GABRB1: variants seen among roughly 807,000 people sequenced by gnomAD.
GABRB1 encodes gamma-aminobutyric acid receptor subunit beta-1.
Under a neutral mutation model 51.6 loss-of-function variants are expected in GABRB1, and 17 were observed. The ratio of observed to expected loss-of-function variants is 0.33; its 90% CI spans 0.23 to 0.49. GABRB1 has a LOEUF of 0.49. Among genes scored for constraint, GABRB1 ranks in the 20% least tolerant of loss-of-function variants. The pLI is 0.99. For missense variants in GABRB1, 410 were observed against 600.6 expected (o/e 0.68, Z 3.32); for synonymous variants, 247 against 218.9 (o/e 1.13, Z -1.14).
chr4:47,143,784 G>T (rs1717034565), intron 3 of GABRB1, among the ~76,000 whole-genome samples: 1 of 151,794 alleles, frequency 6.6e-6, no homozygotes, highest in African/African-American at 2.4e-5. Context: ...CACACCTGTT[G>T]AAATGCTTAA....
At chr4:47,253,516 C>T (rs567748256) in intron 4 of GABRB1, among the ~76,000 whole-genome samples, 9 of 152,270 alleles carry the variant, frequency 5.9e-5, no homozygotes, top group South Asian at 4.1e-4. Flanking sequence ...TGCAATTTCT[C>T]TCTTCCTCTG....
chr4:47,410,762 T>C (rs1356529561), intron 8 of GABRB1, among the ~76,000 whole-genome samples: 1 of 152,214 alleles, frequency 6.6e-6, no homozygotes, highest in Admixed American at 6.5e-5. Flanking sequence ...AGTCAGAGTT[T>C]GGAGTTTGAA....
intron 3 of GABRB1, among the ~76,000 whole-genome samples, chr4:47,132,387 GTTTGT>G (rs1268035001): frequency 6.6e-5 from 8 of 121,682 alleles, no homozygotes; most frequent in Admixed American, 5.5e-4. Context: ...GTTTGTTTTG[GTTTGT>G]TTTGGTTTGG....
At chr4:47,220,609 ACC>A (rs976571020) in intron 4 of GABRB1, among the ~76,000 whole-genome samples, 1 of 151,830 alleles carries the variant, frequency 6.6e-6, no homozygotes, top group African/African-American at 2.4e-5. Flanking sequence ...CCCTCCGAAA[ACC>A]TTCTTTCTAT....
At chr4:47,312,646 G>A (rs1724745643) in intron 4 of GABRB1, among the ~76,000 whole-genome samples, 1 of 152,006 alleles carries the variant, frequency 6.6e-6, no homozygotes, top group Admixed American at 6.6e-5. Flanking sequence ...GCATTTTTAG[G>A]GGATTTTCTT....
chr4:47,150,709 T>A lies in GABRB1; in HGVS notation c.241-10540T>A, dbSNP rs142139433. ...AAAATACACAAAATTGCCTACCACA[T>A]TATTAATTGGTTAGAGAAAGGAAGT... is the stretch of plus-strand genomic sequence containing the variant. On this transcript the variant is annotated intron_variant, in intron 3 of 8. Transcript: ENST00000295454. Among the ~76,000 whole-genome samples the A allele has an allele frequency of 7.4e-4, 113 of 151,760 alleles. 1 individual carries two copies. The East Asian group carries it at 0.017, about 23-fold the overall frequency.
intron 4 of GABRB1, among the ~76,000 whole-genome samples, chr4:47,280,778 GC>G (rs1723259241): frequency 6.7e-6 from 1 of 149,878 alleles, no homozygotes; most frequent in East Asian, 2.0e-4. Context: ...CTCCAAAGAA[GC>G]TAAAACTACA....
chr4:47,126,515 A>G (rs953519510), intron 3 of GABRB1, among the ~76,000 whole-genome samples: 1 of 152,164 alleles, frequency 6.6e-6, no homozygotes, highest in South Asian at 2.1e-4. Flanking sequence ...TTAAGACACC[A>G]TTTTGTACAT....
chr4:47,351,198 C>T (rs1384026593), intron 5 of GABRB1, among the ~76,000 whole-genome samples: 1 of 152,128 alleles, frequency 6.6e-6, no homozygotes, highest in African/African-American at 2.4e-5. Flanking sequence ...GCCATGGCAC[C>T]ATATTGGAAA....
intron 1 of GABRB1, among the ~76,000 whole-genome samples, chr4:47,008,685 G>C (rs188707273): frequency 0.027 from 3,856 of 141,706 alleles, 244 homozygotes; most frequent in East Asian, 0.13. Context: ...CACCATGTTG[G>C]CCAGGCTGGT....
At chr4:47,415,530 A>G (rs1728886165) in intron 8 of GABRB1, among the ~76,000 whole-genome samples, 1 of 152,196 alleles carries the variant, frequency 6.6e-6, no homozygotes, top group South Asian at 2.1e-4. Context: ...CGCAGAAGTC[A>G]ATTCTTCTCA....
intron 4 of GABRB1, among the ~76,000 whole-genome samples, chr4:47,247,910 G>A (rs1046739901): frequency 6.6e-6 from 1 of 151,980 alleles, no homozygotes; most frequent in Non-Finnish European, 1.5e-5. Flanking sequence ...GGAGCTTTCT[G>A]GAGGAGTCTT....
intron 5 of GABRB1, among the ~76,000 whole-genome samples, chr4:47,369,957 T>G (rs964614021): frequency 1.3e-5 from 2 of 152,182 alleles, no homozygotes; most frequent in African/African-American, 4.8e-5. Context: ...TTACTGTATT[T>G]TGTAGTCAAA....
chr4:47,141,514 CATT>C (rs1716932563), intron 3 of GABRB1, among the ~76,000 whole-genome samples: 1 of 151,900 alleles, frequency 6.6e-6, no homozygotes, highest in Non-Finnish European at 1.5e-5. Context: ...AATAAGTAGT[CATT>C]ATGCACGTTA....
At position 47,083,406 on chromosome 4, in the gene GABRB1, C is replaced by T. The variant is rs575360867; in HGVS notation, c.240+50922C>T. 7.2e-5 allele frequency among the ~76,000 whole-genome samples: 11 copies of T among 152,258 alleles called. 1 individual carries two copies. Among genetic ancestry groups the T allele is most frequent in the African/African-American group, 2.2e-4 (9 of 41,558 alleles). On this transcript the variant is annotated intron_variant, in intron 3 of 8. Coordinates refer to ENST00000295454, the MANE Select transcript of GABRB1 (RefSeq NM_000812.4). ...AGGTAGGCAAAGCTTATCTGAAATT[C>T]TTTTCATTTATGGCGACTTACAGAT...
chr4:47,420,130 T>C (rs1054475709), intron 8 of GABRB1, among the ~76,000 whole-genome samples: 1 of 152,200 alleles, frequency 6.6e-6, no homozygotes, highest in African/African-American at 2.4e-5. Context: ...GATGAACAAC[T>C]GCAGACTTTA....
intron 3 of GABRB1, among the ~76,000 whole-genome samples, chr4:47,058,766 T>G (rs1212629723): frequency 6.6e-6 from 1 of 152,206 alleles, no homozygotes; most frequent in Admixed American, 6.5e-5. Context: ...AGATTGCCTT[T>G]GTAATGCCTT....
intron 5 of GABRB1, among the ~76,000 whole-genome samples, chr4:47,364,994 A>G (rs1578124631): frequency 6.6e-6 from 1 of 152,234 alleles, no homozygotes; most frequent in East Asian, 1.9e-4. Context: ...CTAAAATAAT[A>G]TCAGGATGCT....
chr4:47,032,073 C>CAAAAAAAA lies in GABRB1; in HGVS notation c.172+74_172+81dup, dbSNP rs71654859. On this transcript the variant is annotated intron_variant, in intron 2 of 8. Coordinates refer to ENST00000295454, the MANE Select transcript of GABRB1 (RefSeq NM_000812.4). Reference sequence around the variant, plus strand: ...CTCCTTTTCTGTCAAAGATAAATGTCAAAAAAAAAAAAAGAAAAGGCATGT... The same window carrying CAAAAAAAA: ...CTCCTTTTCTGTCAAAGATAAATGTCAAAAAAAAAAAAAAAAAAAAAGAAAAGGCATGT... 881 of 450,504 alleles carry CAAAAAAAA rather than the reference C, an allele frequency of 2.0e-3. 33 individuals are homozygous for CAAAAAAAA. Among genetic ancestry groups the CAAAAAAAA allele is most frequent in the Admixed American group, 7.3e-3 (153 of 20,872 alleles). 27.9% of individuals were successfully genotyped at this position (450,504 alleles called of 1,614,324 possible).
Sources: allele counts gnomAD v4.1 joint callset (sites outside exome capture counted in the v4.1 genomes callset), GRCh38; gene constraint gnomAD v4.1.1; transcripts MANE v1.5; gene names NCBI Gene and HGNC (gene_info 2026-07-23, HGNC 2026-07-21).